Variants in SAMD5 observed in about 807,000 individuals in gnomAD.
The protein encoded by SAMD5 is sterile alpha motif domain-containing protein 5.
A neutral mutation model predicts 11.3 loss-of-function variants in SAMD5; 13 were observed. The ratio of observed to expected loss-of-function variants is 1.15; its 90% confidence interval spans 0.75 to 1.83. SAMD5 has a LOEUF of 1.83. Ranked by LOEUF, SAMD5 falls within the 40% of genes most tolerant of loss-of-function variation. The pLI is 0.00. For synonymous variants in SAMD5, 129 were observed against 111.3 expected (o/e 1.16, Z -1.00); for missense variants, 255 against 239.1 (o/e 1.07, Z -0.44).
chr6:147,696,509 G>T (rs1302522647), intron 1 of SAMD5, among the ~76,000 whole-genome samples: 1 of 152,114 alleles, frequency 6.6e-6, no homozygotes, highest in Non-Finnish European at 1.5e-5. Context: ...AATGGGTCTG[G>T]CACCCCTGTT....
At chr6:147,893,881 A>G in the SAMD5 span, among the ~76,000 whole-genome samples, 2 of 152,184 alleles carry the variant, frequency 1.3e-5, no homozygotes, top group Non-Finnish European at 2.9e-5. Flanking sequence ...AAGTTTGCAT[A>G]GACAGGTTTA....
chr6:147,917,309 G>A, the SAMD5 span, among the ~76,000 whole-genome samples: 1 of 147,292 alleles, frequency 6.8e-6, no homozygotes, highest in Non-Finnish European at 1.5e-5. Context: ...GATGGCCAGT[G>A]ATGGTGAGCA....
the SAMD5 span, among the ~76,000 whole-genome samples, chr6:147,900,581 G>A: frequency 6.6e-6 from 1 of 152,182 alleles, no homozygotes; most frequent in African/African-American, 2.4e-5. Context: ...CTCACCTGCC[G>A]AGGAGGAATG....
intron 1 of SAMD5, among the ~76,000 whole-genome samples, chr6:147,650,652 G>T (rs1243320498): frequency 1.3e-5 from 2 of 152,216 alleles, no homozygotes; most frequent in African/African-American, 4.8e-5. Flanking sequence ...GATTAAGGAG[G>T]TTGCATCAAC....
rs544024606 is a variant in SAMD5, at chr6:147,600,585, A to G, written c.162+91198A>G. ...CACTTTCAAAATTAGATAAAGAAACATATCTATTCTTGGAGTACATCACTT... is the reference window on the plus strand; with the variant it reads ...CACTTTCAAAATTAGATAAAGAAACGTATCTATTCTTGGAGTACATCACTT... On this transcript the variant is annotated intron_variant, in intron 1 of 1. Transcript: ENST00000566741. Among the ~76,000 whole-genome samples the G allele has an allele frequency of 2.0e-5, 3 of 152,282 alleles. No individual in the cohort carries two copies. The East Asian group carries it at 5.8e-4, about 29-fold the overall frequency.
chr6:147,828,910 C>G, the SAMD5 span, among the ~76,000 whole-genome samples: 1 of 152,120 alleles, frequency 6.6e-6, no homozygotes. Context: ...AGACAGAACG[C>G]TCAAAGGAAT....
chr6:147,766,950 G>A, the SAMD5 span, among the ~76,000 whole-genome samples: 146 of 151,876 alleles, frequency 9.6e-4, no homozygotes, highest in East Asian at 0.024. Context: ...AAACTAAGCA[G>A]ATGAACACAC....
downstream of SAMD5, among the ~76,000 whole-genome samples, chr6:147,574,127 C>CAA (rs146944147): frequency 6.3e-4 from 82 of 130,496 alleles, no homozygotes; most frequent in East Asian, 1.3e-3. Context: ...GACTGTGTCT[C>CAA]AAAAAAAAAA....
intron 1 of SAMD5, among the ~76,000 whole-genome samples, chr6:147,693,427 G>A (rs945000953): frequency 2.0e-5 from 3 of 152,218 alleles, no homozygotes; most frequent in South Asian, 2.1e-4. Context: ...TCATAAGGCC[G>A]TATGCTGCAG....
At chr6:147,808,040 C>T in the SAMD5 span, among the ~76,000 whole-genome samples, 1 of 152,190 alleles carries the variant, frequency 6.6e-6, no homozygotes. Flanking sequence ...TGAAAGAAGA[C>T]ACACTACTTT....
chr6:147,908,946 C>T, the SAMD5 span, among the ~76,000 whole-genome samples: 5 of 151,190 alleles, frequency 3.3e-5, no homozygotes, highest in Non-Finnish European at 7.4e-5. Flanking sequence ...AGTGACTCAA[C>T]GACTATAATC....
the SAMD5 span, among the ~76,000 whole-genome samples, chr6:147,816,304 ATATAT>A: frequency 3.6e-4 from 12 of 33,408 alleles, no homozygotes; most frequent in East Asian, 1.3e-3. Context: ...AAAAAAAAAT[ATATAT>A]ATATATATAT....
chr6:147,668,411 G>T (rs559859311), intron 1 of SAMD5, among the ~76,000 whole-genome samples: 20 of 152,110 alleles, frequency 1.3e-4, no homozygotes, highest in Middle Eastern at 3.4e-3. Context: ...TAATTTTCAG[G>T]GTTTTTTTGT....
At chr6:147,570,794 C>G (rs752042846), downstream of SAMD5, among the ~76,000 whole-genome samples, 1 of 151,886 alleles carries the variant, frequency 6.6e-6, no homozygotes, top group Non-Finnish European at 1.5e-5. Context: ...TGAAAAGGAC[C>G]TTAAGGATAA....
At chr6:147,652,948 G>T (rs1261936233) in intron 1 of SAMD5, among the ~76,000 whole-genome samples, 1 of 151,972 alleles carries the variant, frequency 6.6e-6, no homozygotes, top group Non-Finnish European at 1.5e-5. Context: ...AGAATTCAGC[G>T]ACTTCGATTT....
chr6:147,828,691 T>C, the SAMD5 span, among the ~76,000 whole-genome samples: 3 of 152,186 alleles, frequency 2.0e-5, no homozygotes, highest in Non-Finnish European at 4.4e-5. Context: ...GGACCTCACC[T>C]TGTGATGGTG....
intron 1 of SAMD5, among the ~76,000 whole-genome samples, chr6:147,521,131 T>C (rs1788247000): frequency 6.6e-6 from 1 of 151,640 alleles, no homozygotes; most frequent in South Asian, 2.1e-4. Context: ...TTACTACTAA[T>C]TATTATTTTT....
the SAMD5 span, among the ~76,000 whole-genome samples, chr6:147,858,056 G>A: frequency 6.6e-6 from 1 of 152,134 alleles, no homozygotes; most frequent in Admixed American, 6.6e-5. Flanking sequence ...GTGGCTGCCG[G>A]CTAATGAAAC....
the SAMD5 span, among the ~76,000 whole-genome samples, chr6:147,776,636 T>C: frequency 6.6e-6 from 1 of 152,228 alleles, no homozygotes; most frequent in Non-Finnish European, 1.5e-5. Context: ...TGTAGATTTT[T>C]CTCCCCTACC....
Sources: gnomAD v4.1 joint callset for allele counts (sites outside exome capture counted in the v4.1 genomes callset) on GRCh38, gnomAD v4.1.1 for gene constraint, MANE v1.5 for transcripts, NCBI Gene and HGNC (gene_info 2026-07-23, HGNC 2026-07-21) for gene names.